Variants in HTR2B observed in about 807,000 individuals in gnomAD.
The protein encoded by HTR2B is 5-HT 2B receptor.
A neutral mutation model predicts 39.8 loss-of-function variants in HTR2B; 31 were observed. The ratio of observed to expected loss-of-function variants is 0.78; its 90% CI spans 0.58 to 1.05. HTR2B has a LOEUF of 1.05. HTR2B is among the 50% of genes least tolerant of loss of function. The pLI is 0.00. For synonymous variants in HTR2B, 210 were observed against 207.1 expected, an observed-to-expected ratio of 1.01 and a Z score of -0.12; for missense variants, 562 against 578.0, an observed-to-expected ratio of 0.97 and a Z score of 0.28.
At chr2:231,116,879 G>T (rs1004335336) in intron 2 of HTR2B, among the ~76,000 whole-genome samples, 4 of 151,900 alleles carry the variant, frequency 2.6e-5, no homozygotes, top group African/African-American at 9.7e-5. Context: ...TTCAAGTTTC[G>T]TGAAACACTG....
Position 231,123,517 on chromosome 2 carries a change from T to TAA in HTR2B, c.247_248insTT (p.Lys83IlefsTer12), listed in dbSNP as rs1239415935. ...GTAATTAGTAGCATACTGCAGCTTCTTCTCCAGTGAAACAGCCAGAATAAC... is the reference window on the plus strand; with the variant it reads ...GTAATTAGTAGCATACTGCAGCTTCTAATCTCCAGTGAAACAGCCAGAATAAC... On this transcript the variant is annotated frameshift_variant, in exon 2 of 4. Coordinates refer to ENST00000258400, the MANE Select transcript of HTR2B (RefSeq NM_000867.5). LOFTEE classifies it high-confidence loss of function. 6.2e-7 allele frequency: 1 copy of TAA among 1,613,922 alleles called. No individual in the cohort carries two copies. The highest frequency in any genetic ancestry group is 8.5e-7 in the Non-Finnish European group (1 of 1,179,876).
At chr2:231,123,294 T>C in intron 2 of HTR2B, 119 bp downstream of exon 2, 1 of 806,754 alleles carries the variant, frequency 1.2e-6, no homozygotes, top group Non-Finnish European at 2.1e-6. Context: ...TTGCCGTATC[T>C]TTAAATAGTC....
Position 231,108,717 on chromosome 2 carries a change from A to G in HTR2B, c.1246T>C (p.Tyr416His). Reference sequence around the variant, plus strand: ...TTCTCTGCCATTGGATTCCGGAAGTAGATCTTACTGGAGCGTTTTCTGAGA... The same window carrying G: ...TTCTCTGCCATTGGATTCCGGAAGTGGATCTTACTGGAGCGTTTTCTGAGA... ...KTLRKRSSKIYFRNPMAENSK... is the reference protein window; with the variant it reads ...KTLRKRSSKIHFRNPMAENSK... Residue 416 changes from tyrosine to histidine, a missense_variant, in exon 4 of 4, where the codon TAC (tyrosine) becomes CAC (histidine). Tyr to His is a moderately conservative substitution (Grantham distance 83). Coordinates refer to ENST00000258400, the MANE Select transcript of HTR2B (RefSeq NM_000867.5). 6.2e-7 allele frequency: 1 copy of G among 1,614,120 alleles called. No homozygotes were observed. The highest frequency in any genetic ancestry group is 8.5e-7 in the Non-Finnish European group (1 of 1,179,976).
intron 1 of HTR2B, 35 bp downstream of exon 1, chr2:231,124,937 T>C (rs984045883): frequency 1.3e-5 from 2 of 152,206 alleles, no homozygotes; most frequent in African/African-American, 4.8e-5. Context: ...AAAAAACCTT[T>C]AGATTAATTC....
In HTR2B at chr2:231,109,197, G is replaced by A. The variant is rs765459624; in HGVS notation, c.766C>T (p.Pro256Ser). 2.5e-6 allele frequency: 4 copies of A among 1,614,080 alleles called. No individual in the cohort carries two copies. The highest frequency in any genetic ancestry group is 2.7e-5 in the African/African-American group (2 of 74,924). Residue 256 changes from proline to serine, a missense_variant, in exon 4 of 4, where the codon CCT becomes TCT. Coordinates refer to ENST00000258400, the MANE Select transcript of HTR2B (RefSeq NM_000867.5). Reference sequence around the variant, plus strand: ...ACAGTCAACCATGTTAGGCGTTGAGGTGGCTTGTTTTTGACTAAGTAAGCC... The same window carrying A: ...ACAGTCAACCATGTTAGGCGTTGAGATGGCTTGTTTTTGACTAAGTAAGCC... ...KKAYLVKNKP[P>S]QRLTWLTVST...
At chr2:231,112,716 G>T (rs923456584) in intron 3 of HTR2B, among the ~76,000 whole-genome samples, 1 of 152,164 alleles carries the variant, frequency 6.6e-6, no homozygotes, top group African/African-American at 2.4e-5. Context: ...AGTTTTGAAT[G>T]ATTTACGCAT....
At chr2:231,109,521 T>A in intron 3 of HTR2B, 112 bp from the exon 4 acceptor site, 1 of 907,752 alleles carries the variant, frequency 1.1e-6, no homozygotes, top group Non-Finnish European at 1.7e-6. Flanking sequence ...GCATTATAAT[T>A]CCTGGGACCC....
At position 231,123,426 on chromosome 2, in the gene HTR2B, C is replaced by A. The variant is rs369745180; in HGVS notation, c.339G>T (p.Leu113Phe). 1.8e-5 allele frequency: 29 copies of A among 1,613,148 alleles called. No homozygotes were observed. Among genetic ancestry groups the A allele is most frequent in the Middle Eastern group, 1.6e-4 (1 of 6,082 alleles). Residue 113 changes from leucine to phenylalanine, a missense_variant, in exon 2 of 4, where the codon TTG becomes TTT. Transcript: ENST00000258400. ...VGLFVMPIAL[L>F]TIMFEAMWPL... is the part of the protein sequence containing the mutation. ...TGAAATACTTACCAAACATTATTGT[C>A]AAGAGGGCAATTGGCATCACAAACA...
At chr2:231,114,751 T>C (rs1018832345) in intron 2 of HTR2B, among the ~76,000 whole-genome samples, 1 of 152,202 alleles carries the variant, frequency 6.6e-6, no homozygotes, top group Non-Finnish European at 1.5e-5. Context: ...GGATGTGATA[T>C]TGAATATTCT....
chr2:231,109,975 G>T (rs965862258), intron 3 of HTR2B, among the ~76,000 whole-genome samples: 2 of 152,166 alleles, frequency 1.3e-5, no homozygotes, highest in African/African-American at 2.4e-5. Context: ...TAAAATTTGA[G>T]TGTGTGTGAA....
rs781569446 is a variant in HTR2B, at chr2:231,109,368, C to T, written c.595G>A (p.Val199Met). Residue 199 changes from valine (V) to methionine (M), a missense_variant, in exon 4 of 4, where the codon GTG becomes ATG. Transcript: ENST00000258400. ...CAAGTGATATTGTTTGGGTTGTCCA[C>T]ATCAGTCTCTATCCCTTTAATAGGG... is the stretch of plus-strand genomic sequence containing the variant. ...PVPIKGIETD[V>M]DNPNNITCVL... is the part of the protein sequence containing the mutation. 1 of 1,614,158 alleles carries T rather than the reference C, an allele frequency of 6.2e-7. No homozygotes were observed. Among genetic ancestry groups the T allele is most frequent in the Non-Finnish European group, 8.5e-7 (1 of 1,179,998 alleles).
chr2:231,116,063 A>G (rs16827801), intron 2 of HTR2B, among the ~76,000 whole-genome samples: 59,999 of 151,830 alleles, frequency 0.4, 13,181 homozygotes, highest in African/African-American at 0.58. Flanking sequence ...GAGGCCTCTC[A>G]GAATAAATTA....
intron 2 of HTR2B, among the ~76,000 whole-genome samples, chr2:231,115,758 A>G (rs1367994934): frequency 1.3e-5 from 2 of 152,148 alleles, no homozygotes; most frequent in Non-Finnish European, 2.9e-5. Flanking sequence ...ATGTTATCTG[A>G]AAGTGTTATT....
rs1337433486 is a variant in HTR2B at position 231,109,005 on chromosome 2, G to A, written c.958C>T (p.Gln320Ter). 1 of 1,614,200 alleles carries A rather than the reference G, an allele frequency of 6.2e-7. No homozygotes were observed. The highest frequency in any genetic ancestry group is 8.5e-7 in the Non-Finnish European group (1 of 1,180,030). The change falls in exon 4 of 4, where the codon CAG becomes TAG. Residue 320 changes from glutamine to a stop codon, truncating the protein, a stop_gained. Transcript: ENST00000258400. LOFTEE classifies it high-confidence loss of function. ...KKSVQTISNE[Q>*]RASKVLGIVF... Reference sequence around the variant, plus strand: ...ATCCCTAGGACCTTTGAGGCTCTCTGTTCGTTGGAAATGGTCTGCACTGAC... The same window carrying A: ...ATCCCTAGGACCTTTGAGGCTCTCTATTCGTTGGAAATGGTCTGCACTGAC...
At chr2:231,110,707 C>T (rs1475145805) in intron 3 of HTR2B, among the ~76,000 whole-genome samples, 1 of 152,242 alleles carries the variant, frequency 6.6e-6, no homozygotes, top group Non-Finnish European at 1.5e-5. Flanking sequence ...ACTTGTTCTA[C>T]ACCAGGGGTC....
At chr2:231,120,905 T>C (rs1695518938) in intron 2 of HTR2B, among the ~76,000 whole-genome samples, 1 of 152,216 alleles carries the variant, frequency 6.6e-6, no homozygotes, top group Non-Finnish European at 1.5e-5. Context: ...GAAGTTCTTA[T>C]AAATGCATTA....
chr2:231,123,893 C>A lies in HTR2B; in HGVS notation c.-129G>T. 1.4e-6 allele frequency: 1 copy of A among 735,882 alleles called. No individual in the cohort carries two copies. Among genetic ancestry groups the A allele is most frequent in the Non-Finnish European group, 2.4e-6 (1 of 416,414 alleles). The allele number at this position is 735,882 out of a possible 1,614,324, so 45.6% of individuals were successfully genotyped here. A position where few individuals can be genotyped will look rare whatever the true frequency, so the allele number is the denominator to read the frequency against. ...CTCAAAAGCCAAAGTTGACACCTTCCTTTAAAAAAAAAAATTCAAGTTCTC... is the reference window on the plus strand; with the variant it reads ...CTCAAAAGCCAAAGTTGACACCTTCATTTAAAAAAAAAAATTCAAGTTCTC... On this transcript the variant is annotated 5_prime_UTR_variant, in exon 2 of 4. The change creates a new upstream start codon in the 5' untranslated region. Coordinates refer to ENST00000258400, the MANE Select transcript of HTR2B (RefSeq NM_000867.5).
rs199906717 is a variant in HTR2B at position 231,113,697 on chromosome 2, A to G, written c.553+32T>C. ...AGCCAAGTGGAACCAAAGATTTTGT[A>G]TACCACCCACACTCTGGCATTCTCT... On this transcript the variant is annotated intron_variant, in intron 3 of 3. Coordinates refer to ENST00000258400, the MANE Select transcript of HTR2B (RefSeq NM_000867.5). The G allele has an allele frequency of 4.2e-5, 67 of 1,584,016 alleles. No homozygotes were observed. The African/African-American group carries it at 7.7e-4, about 18-fold the overall frequency.
rs1695030600 is a variant in HTR2B at position 231,108,485 on chromosome 2, A to G, written c.*32T>C. ...TTACATCTCATTCATCATCTTACTC[A>G]TCATTATGTTTGATGACAACTGCCA... On this transcript the variant is annotated 3_prime_UTR_variant, in exon 4 of 4. Transcript: ENST00000258400. 1 of 1,531,322 alleles carries G rather than the reference A, an allele frequency of 6.5e-7. No individual in the cohort carries two copies. 94.9% of individuals were successfully genotyped at this position (1,531,322 alleles called of 1,614,324 possible). A position where few individuals can be genotyped will look rare whatever the true frequency, so the allele number is the denominator to read the frequency against.
Sources: allele counts gnomAD v4.1 joint callset (sites outside exome capture counted in the v4.1 genomes callset), GRCh38; gene constraint gnomAD v4.1.1; transcripts MANE v1.5; gene names NCBI Gene and HGNC (gene_info 2026-07-23, HGNC 2026-07-21).